The following CCSER2 variants were observed in gnomAD, a reference collection of about 807,000 sequenced individuals.
CCSER2 encodes the protein serine-rich coiled-coil domain-containing protein 2.
Under a neutral mutation model 92.3 loss-of-function variants are expected in CCSER2, and 46 were observed. The observed-to-expected ratio is 0.50, with a 90% CI of 0.39 to 0.64. The LOEUF (loss-of-function observed/expected upper bound fraction) is 0.64. CCSER2 is among the 30% of genes least tolerant of loss of function. The pLI is 0.00. For missense variants in CCSER2, 1,244 were observed against 1,238.9 expected (o/e 1.00, Z -0.06); for synonymous variants, 433 against 431.4 (o/e 1.00, Z -0.04).
At chr10:84,340,164 C>A (rs571917354) in intron 1 of CCSER2, among the ~76,000 whole-genome samples, 195 of 152,260 alleles carry the variant, frequency 1.3e-3, no homozygotes, top group African/African-American at 4.5e-3. Flanking sequence ...TTTTTAAGAG[C>A]CCAACATAGA....
chr10:84,405,344 G>A (rs1319703496), intron 3 of CCSER2, among the ~76,000 whole-genome samples: 1 of 150,074 alleles, frequency 6.7e-6, no homozygotes, highest in Non-Finnish European at 1.5e-5. Context: ...GATCTTTGGT[G>A]TAATTGTGAA....
At chr10:84,406,299 G>A (rs1187486125) in intron 3 of CCSER2, among the ~76,000 whole-genome samples, 1 of 152,168 alleles carries the variant, frequency 6.6e-6, no homozygotes, top group Non-Finnish European at 1.5e-5. Context: ...TAGTGTGAGG[G>A]ACTTCTTCGA....
chr10:84,490,210 T>TA (rs1180722873), intron 9 of CCSER2, among the ~76,000 whole-genome samples: 2 of 152,168 alleles, frequency 1.3e-5, no homozygotes, highest in East Asian at 3.8e-4. Flanking sequence ...ATCTGACAAT[T>TA]ATGTGTCTTG....
At chr10:84,388,216 G>A (rs546166125) in intron 3 of CCSER2, among the ~76,000 whole-genome samples, 185 of 152,162 alleles carry the variant, frequency 1.2e-3, no homozygotes, top group Non-Finnish European at 2.2e-3. Flanking sequence ...AGGTTTTATC[G>A]TACATCCTGC....
At chr10:84,395,687 C>G (rs1032916466) in intron 3 of CCSER2, among the ~76,000 whole-genome samples, 1 of 152,138 alleles carries the variant, frequency 6.6e-6, no homozygotes, top group Non-Finnish European at 1.5e-5. Context: ...GTCTGTGGAA[C>G]CTCTTTCTAC....
chr10:84,365,467 A>G (rs574202599), intron 1 of CCSER2, among the ~76,000 whole-genome samples: 2 of 152,376 alleles, frequency 1.3e-5, no homozygotes, highest in South Asian at 2.1e-4. Flanking sequence ...CGTAAACTTC[A>G]TAGTGGAGCT....
intron 3 of CCSER2, 60 bp downstream of exon 3, chr10:84,373,875 T>A: frequency 6.3e-7 from 1 of 1,594,704 alleles, no homozygotes; most frequent in Admixed American, 1.7e-5. Flanking sequence ...GAGAGACTTG[T>A]GATATGATTG....
intron 3 of CCSER2, among the ~76,000 whole-genome samples, chr10:84,386,807 CATT>C (rs1308503394): frequency 2.0e-5 from 3 of 152,134 alleles, no homozygotes; most frequent in Admixed American, 6.5e-5. Flanking sequence ...AGCTGGAGGC[CATT>C]ATTCTAAGTA....
intron 3 of CCSER2, among the ~76,000 whole-genome samples, chr10:84,400,395 T>A (rs1309833585): frequency 6.6e-6 from 1 of 152,146 alleles, no homozygotes; most frequent in Non-Finnish European, 1.5e-5. Context: ...GGTCTTGAAC[T>A]CCTGGACTCA....
At chr10:84,505,107 G>A (rs1344589797) in intron 9 of CCSER2, among the ~76,000 whole-genome samples, 1 of 151,908 alleles carries the variant, frequency 6.6e-6, no homozygotes, top group Non-Finnish European at 1.5e-5. Flanking sequence ...CAGTCGTTCT[G>A]CTTTTTTCAC....
chr10:84,502,715 T>C (rs1189278148), intron 9 of CCSER2, among the ~76,000 whole-genome samples: 1 of 152,172 alleles, frequency 6.6e-6, no homozygotes, highest in Admixed American at 6.5e-5. Flanking sequence ...ACTGCCTTTA[T>C]CCTCTAAATG....
chr10:84,446,952 T>C (rs989116862), intron 6 of CCSER2, among the ~76,000 whole-genome samples: 2 of 152,166 alleles, frequency 1.3e-5, no homozygotes, highest in African/African-American at 4.8e-5. Flanking sequence ...TTCATTTCTC[T>C]ATTGGTGCTC....
intron 9 of CCSER2, among the ~76,000 whole-genome samples, chr10:84,493,978 T>C (rs1259015359): frequency 6.6e-6 from 1 of 152,218 alleles, no homozygotes; most frequent in Non-Finnish European, 1.5e-5. Flanking sequence ...GCAAGCAACC[T>C]AGATTTCTCG....
intron 7 of CCSER2, among the ~76,000 whole-genome samples, chr10:84,470,128 A>G (rs969746577): frequency 2.6e-5 from 4 of 151,540 alleles, no homozygotes; most frequent in Non-Finnish European, 5.9e-5. Flanking sequence ...TGCTTAAATA[A>G]GTGCAAGTGC....
intron 6 of CCSER2, among the ~76,000 whole-genome samples, chr10:84,460,145 G>A (rs1199704950): frequency 6.3e-5 from 9 of 143,848 alleles, no homozygotes; most frequent in African/African-American, 2.0e-4. Flanking sequence ...GCTGGAGTGC[G>A]GGGGTGCAGT....
intron 9 of CCSER2, among the ~76,000 whole-genome samples, chr10:84,510,903 G>A (rs1033607893): frequency 3.9e-5 from 6 of 152,042 alleles, no homozygotes; most frequent in African/African-American, 9.7e-5. Flanking sequence ...CTTATTCCTC[G>A]TGAAAGAGAC....
At chr10:84,343,110 C>T (rs1347059655) in intron 1 of CCSER2, among the ~76,000 whole-genome samples, 5 of 152,118 alleles carry the variant, frequency 3.3e-5, no homozygotes, top group South Asian at 4.3e-4. Context: ...TAACCTCAAA[C>T]GGCCCCCTTG....
intron 3 of CCSER2, among the ~76,000 whole-genome samples, chr10:84,409,886 G>A (rs1298105318): frequency 6.6e-6 from 1 of 152,174 alleles, no homozygotes; most frequent in East Asian, 1.9e-4. Flanking sequence ...GCATCCATTA[G>A]TTATTCTTCC....
At position 84,516,644 on chromosome 10, in the gene CCSER2, C is replaced by G. The variant is rs1231989053; in HGVS notation, c.*2377C>G. On this transcript the variant is annotated 3_prime_UTR_variant, in exon 10 of 10. Transcript: ENST00000372088. ...TTAAATTTATTTTTAATTCCCTAGT[C>G]TGAGGGAAATGTCTTTATTGTCCAT... The G allele has an allele frequency of 6.6e-6, 1 of 152,114 alleles. No homozygotes were observed. The highest frequency in any genetic ancestry group is 2.1e-4 in the South Asian group (1 of 4,824). 9.4% of individuals were successfully genotyped at this position (152,114 alleles called of 1,614,324 possible).
Sources: gnomAD v4.1 joint callset for allele counts (sites outside exome capture counted in the v4.1 genomes callset) on GRCh38, gnomAD v4.1.1 for gene constraint, MANE v1.5 for transcripts, NCBI Gene and HGNC (gene_info 2026-07-23, HGNC 2026-07-21) for gene names.